F5: variants seen among roughly 807,000 people sequenced by gnomAD.
The protein encoded by F5 is coagulation factor V, also known as activated protein c cofactor.
F5 carries 138 observed loss-of-function variants against 216.4 expected under a neutral mutation model. That is an observed-to-expected ratio of 0.64 (90% CI 0.56 to 0.73). The LOEUF (loss-of-function observed/expected upper bound fraction) is 0.73, where lower values mean the gene tolerates loss of function less well. F5 is among the 30% of genes least tolerant of loss of function. F5 has a pLI of 0.00. For synonymous variants in F5, 916 were observed against 930.7 expected, an observed-to-expected ratio of 0.98 and a Z score of 0.29; for missense variants, 2,403 against 2,674.0, an observed-to-expected ratio of 0.90 and a Z score of 2.24.
At position 169,528,029 on chromosome 1, in the gene F5, G is replaced by A. The variant is rs1659500871; in HGVS notation, c.5485C>T (p.His1829Tyr). ...TGGGAGCCGCCTATGTTCAGCAGGTGTAACCTCACCCACTCTTGCTCATAC... is the reference window on the plus strand; with the variant it reads ...TGGGAGCCGCCTATGTTCAGCAGGTATAACCTCACCCACTCTTGCTCATAC... The part of the protein sequence containing the change: ...KMYEQEWVRL[H>Y]LLNIGGSQDI... The change falls in exon 17 of 25, where the codon CAC (histidine) becomes TAC (tyrosine). Residue 1829 changes from histidine (H) to tyrosine (Y), a missense_variant. Transcript: ENST00000367797. The A allele has an allele frequency of 1.9e-6, 3 of 1,613,936 alleles. No individual in the cohort carries two copies. The highest frequency in any genetic ancestry group is 2.2e-5 in the East Asian group (1 of 44,876).
At chr1:169,520,959 C>T (rs1659288668) in intron 21 of F5, among the ~76,000 whole-genome samples, 1 of 152,032 alleles carries the variant, frequency 6.6e-6, no homozygotes, top group African/African-American at 2.4e-5. Context: ...TCGGAAGGAA[C>T]AAAATGGTGA....
rs537671399 is a variant in F5, at chr1:169,559,355, T to G, written c.587-59A>C. ...GCAGATAGAAGACGCTCATTAGCTT[T>G]CCTGGATAGCAAAGAGTTTAGGGCA... On this transcript the variant is annotated intron_variant, in intron 4 of 24. Coordinates refer to ENST00000367797, the MANE Select transcript of F5 (RefSeq NM_000130.5). 113 of 1,572,132 alleles carry G rather than the reference T, an allele frequency of 7.2e-5. No individual in the cohort carries two copies. In the South Asian group the frequency reaches 1.2e-3, roughly 16 times the overall value.
chr1:169,541,414 G>A lies in F5; in HGVS notation c.3676C>T (p.Leu1226Phe), dbSNP rs768467887. ...ELIQRNLSPA[L>F]GQMPISPDLS... The stretch of plus-strand genomic sequence containing the variant: ...TCTGGAGAAATGGGCATCTGACCGA[G>A]GGCTGGGGAAAGGTTTCTCTGAATG... Residue 1226 changes from leucine to phenylalanine, a missense_variant, in exon 13 of 25, where the codon CTC becomes TTC. This residue lies in a region of F5 where 1,425 missense variants were observed against 1,554.8 expected (regional missense o/e 0.92). Transcript: ENST00000367797. The A allele has an allele frequency of 4.3e-6, 7 of 1,613,890 alleles. No homozygotes were observed. The highest frequency in any genetic ancestry group is 5.9e-6 in the Non-Finnish European group (7 of 1,179,910).
chr1:169,532,075 A>T (rs1337792310), intron 14 of F5, among the ~76,000 whole-genome samples: 1 of 152,216 alleles, frequency 6.6e-6, no homozygotes, highest in African/African-American at 2.4e-5. Flanking sequence ...TTCACCACAT[A>T]AACCGCATTA....
At chr1:169,571,135 A>G (rs1421188800) in intron 3 of F5, among the ~76,000 whole-genome samples, 2 of 152,184 alleles carry the variant, frequency 1.3e-5, no homozygotes, top group Middle Eastern at 3.2e-3. Flanking sequence ...ACAATTTTTT[A>G]TACCAGTGCC....
chr1:169,546,004 A>T (rs562353113), intron 11 of F5, among the ~76,000 whole-genome samples: 1 of 152,088 alleles, frequency 6.6e-6, no homozygotes, highest in Non-Finnish European at 1.5e-5. Flanking sequence ...TTGGGTCCCT[A>T]TACTCATTTT....
chr1:169,542,758 A>C lies in F5; in HGVS notation c.2332T>G (p.Ser778Ala), dbSNP rs1659898449. The C allele has an allele frequency of 6.2e-7, 1 of 1,614,030 alleles. No individual in the cohort carries two copies. Among genetic ancestry groups the C allele is most frequent in the African/African-American group, 1.3e-5 (1 of 74,930 alleles). ...NTDIIVGSNY[S>A]SPSNISKFTV... ...AACTTACTAATATTACTTGGGGAAGAATAATTTGAACCAACAATTATATCT... is the reference window on the plus strand; with the variant it reads ...AACTTACTAATATTACTTGGGGAAGCATAATTTGAACCAACAATTATATCT... The change falls in exon 13 of 25, where the codon TCT becomes GCT. Residue 778 changes from serine to alanine, a missense_variant. This residue lies in a region of F5 where 1,425 missense variants were observed against 1,554.8 expected (regional missense o/e 0.92). Transcript: ENST00000367797.
chr1:169,550,710 G>A lies in F5; in HGVS notation c.1326C>T (p.Pro442=). ...KIVFKNMASR[P]YSIYPHGVTF... ...TCACTCCATGAGGGTAAATGCTATAGGGGCGGCTGGCCATATTTTTGAACA... is the reference window on the plus strand; with the variant it reads ...TCACTCCATGAGGGTAAATGCTATAAGGGCGGCTGGCCATATTTTTGAACA... The change falls in exon 9 of 25, where the codon CCC becomes CCT. Residue 442 remains proline (P), a synonymous_variant. Transcript: ENST00000367797. 1 of 1,613,958 alleles carries A rather than the reference G, an allele frequency of 6.2e-7. No homozygotes were observed.
chr1:169,519,333 T>C (rs1162336130), intron 22 of F5, among the ~76,000 whole-genome samples: 4 of 152,226 alleles, frequency 2.6e-5, no homozygotes, highest in African/African-American at 9.6e-5. Context: ...ATGCTTCTTG[T>C]ATAAAAAATA....
At chr1:169,570,906 G>A (rs1020866972) in intron 3 of F5, among the ~76,000 whole-genome samples, 5 of 152,042 alleles carry the variant, frequency 3.3e-5, no homozygotes, top group Non-Finnish European at 7.4e-5. Flanking sequence ...GAAAGATGAG[G>A]CACACAGAGG....
intron 4 of F5, among the ~76,000 whole-genome samples, 174 bp downstream of exon 4, chr1:169,560,380 C>T (rs1660445448): frequency 6.6e-6 from 1 of 152,050 alleles, no homozygotes; most frequent in South Asian, 2.1e-4. Flanking sequence ...TGGATCCACA[C>T]CCTGAAATAG....
In F5 at chr1:169,541,280, G is replaced by C. The variant is rs781657137; in HGVS notation, c.3810C>G (p.Ala1270=). Residue 1270 remains alanine, a synonymous_variant, in exon 13 of 25, where the codon GCC becomes GCG. Coordinates refer to ENST00000367797, the MANE Select transcript of F5 (RefSeq NM_000130.5). The part of the protein sequence containing the change: ...PELSQTNLSP[A]LGQMPLSPDL... ...CTGGAGAAAGGGGCATCTGACCGAG[G>C]GCTGGAGAAAGGTTTGTCTGACTGA... The C allele has an allele frequency of 5.2e-6, 8 of 1,551,266 alleles. No individual in the cohort carries two copies. In the Admixed American group the frequency reaches 7.2e-5, roughly 14 times the overall value.
At position 169,546,632 on chromosome 1, in the gene F5, C is replaced by T. The variant is rs537583432; in HGVS notation, c.1612-40G>A. ...AGTATAGTACTGGTACAAGAACAGA[C>T]GCATAGACCAATGGAACAGAATAGA... is the stretch of plus-strand genomic sequence containing the variant. On this transcript the variant is annotated intron_variant, in intron 10 of 24. Coordinates refer to ENST00000367797, the MANE Select transcript of F5 (RefSeq NM_000130.5). 7.0e-6 allele frequency: 11 copies of T among 1,574,456 alleles called. No individual in the cohort carries two copies. The Admixed American group carries it at 1.5e-4, about 21-fold the overall frequency.
At chr1:169,553,964 T>C (rs1436161072) in intron 7 of F5, among the ~76,000 whole-genome samples, 1 of 152,242 alleles carries the variant, frequency 6.6e-6, no homozygotes, top group Non-Finnish European at 1.5e-5. Context: ...ATTTTATGAA[T>C]TTATTTTTCC....
intron 12 of F5, 60 bp downstream of exon 12, chr1:169,544,236 C>A: frequency 6.9e-7 from 1 of 1,454,662 alleles, no homozygotes; most frequent in Non-Finnish European, 9.6e-7. Flanking sequence ...TTGCAGCAGA[C>A]CTTTATAGAC....
intron 12 of F5, among the ~76,000 whole-genome samples, chr1:169,543,949 A>G (rs1659934091): frequency 6.6e-6 from 1 of 152,210 alleles, no homozygotes; most frequent in Non-Finnish European, 1.5e-5. Flanking sequence ...ATGATTGAAG[A>G]TGACTGTTGC....
At position 169,540,628 on chromosome 1, in the gene F5, C is replaced by G; in HGVS notation, c.4462G>C (p.Gly1488Arg). Reference sequence around the variant, plus strand: ...GGAGATGAAGGAGATGGCATCTGACCAAGGTCTGGATAAGGAAAAGACTCA... The same window carrying G: ...GGAGATGAAGGAGATGGCATCTGACGAAGGTCTGGATAAGGAAAAGACTCA... ...FNESFPYPDL[G>R]QMPSPSSPTL... The change falls in exon 13 of 25, where the codon GGT becomes CGT. Residue 1488 changes from glycine to arginine, a missense_variant. Coordinates refer to ENST00000367797, the MANE Select transcript of F5 (RefSeq NM_000130.5). The G allele has an allele frequency of 6.2e-7, 1 of 1,613,918 alleles. No homozygotes were observed. Among genetic ancestry groups the G allele is most frequent in the Admixed American group, 1.7e-5 (1 of 59,984 alleles).
chr1:169,516,386 C>T (rs1049902589), intron 23 of F5, among the ~76,000 whole-genome samples: 1 of 152,118 alleles, frequency 6.6e-6, no homozygotes, highest in African/African-American at 2.4e-5. Flanking sequence ...GGAGATTTAT[C>T]GTCTACCATA....
intron 13 of F5, among the ~76,000 whole-genome samples, chr1:169,538,955 A>G (rs1458061056): frequency 1.3e-5 from 2 of 152,166 alleles, no homozygotes; most frequent in African/African-American, 4.8e-5. Context: ...GGTAAAGAAT[A>G]CTCAGGATAC....
Sources: allele counts gnomAD v4.1 joint callset (sites outside exome capture counted in the v4.1 genomes callset), GRCh38; gene constraint gnomAD v4.1.1; regional missense constraint gnomAD v4.1.1; transcripts MANE v1.5; gene names NCBI Gene and HGNC (gene_info 2026-07-23, HGNC 2026-07-21).